The following PRKN variants were observed in gnomAD, a reference collection of about 807,000 sequenced individuals.
PRKN encodes the protein E3 ubiquitin-protein ligase parkin.
In PRKN, 56 loss-of-function variants were observed where a neutral mutation model predicts 59.5. The ratio of observed to expected loss-of-function variants is 0.94; its 90% confidence interval spans 0.76 to 1.18. The LOEUF is 1.18. Among genes scored for constraint, PRKN ranks in the 50% most tolerant of loss-of-function variants. PRKN has a pLI of 0.00. For missense variants in PRKN, 657 were observed against 596.4 expected (o/e 1.10, Z -1.06); for synonymous variants, 250 against 222.1 (o/e 1.13, Z -1.12).
Position 161,551,191 on chromosome 6 carries a change from T to C in PRKN, c.934-2188A>G, listed in dbSNP as rs748583396. Among the ~76,000 whole-genome samples, 14 of 152,184 alleles carry C rather than the reference T, an allele frequency of 9.2e-5. No homozygotes were observed. The highest frequency in any genetic ancestry group is 1.9e-4 in the East Asian group (1 of 5,186). On this transcript the variant is annotated intron_variant, in intron 8 of 11. Coordinates refer to ENST00000366898, the MANE Select transcript of PRKN (RefSeq NM_004562.3). The surrounding 1 kb of genome is among the most constrained non-coding windows in gnomAD (Gnocchi z 5.2). ...TGAGACAGTTTATGTAACTGAGAGA[T>C]TGCCTGTGAGTGATTACTGCATAGA...
intron 7 of PRKN, among the ~76,000 whole-genome samples, chr6:161,713,747 G>C (rs1041679475): frequency 1.3e-5 from 2 of 152,124 alleles, no homozygotes; most frequent in African/African-American, 4.8e-5. Context: ...ACCGTGGTAT[G>C]GTTTGACTCT....
chr6:161,608,693 C>T (rs1342495718), intron 7 of PRKN, among the ~76,000 whole-genome samples: 4 of 151,928 alleles, frequency 2.6e-5, no homozygotes, highest in East Asian at 1.9e-4. Flanking sequence ...CCACCACGCC[C>T]GGCTAATTTT....
intron 1 of PRKN, chr6:162,727,373 G>C: frequency 2.3e-6 from 1 of 438,326 alleles, no homozygotes; most frequent in South Asian, 3.2e-5. Context: ...GGGGGACCGC[G>C]AACGAGGAGC....
Position 162,201,117 on chromosome 6 carries a change from C to T in PRKN, c.534+14G>A, listed in dbSNP as rs1784710974. The T allele has an allele frequency of 6.2e-7, 1 of 1,614,042 alleles. No homozygotes were observed. Among genetic ancestry groups the T allele is most frequent in the Non-Finnish European group, 8.5e-7 (1 of 1,179,886 alleles). Reference sequence around the variant, plus strand: ...TTTTCCTGGCAGTCTCATGCTGACACTGCATTTCCTTACCTGGGTCAAGGT... The same window carrying T: ...TTTTCCTGGCAGTCTCATGCTGACATTGCATTTCCTTACCTGGGTCAAGGT... On this transcript the variant is annotated intron_variant, in intron 4 of 11. Coordinates refer to ENST00000366898, the MANE Select transcript of PRKN (RefSeq NM_004562.3).
At chr6:161,430,255 T>C (rs1788577842) in intron 9 of PRKN, among the ~76,000 whole-genome samples, 1 of 152,238 alleles carries the variant, frequency 6.6e-6, no homozygotes, top group South Asian at 2.1e-4. Flanking sequence ...TGTAACTATG[T>C]TATGAAACAC....
chr6:162,713,449 G>A (rs1041660223), intron 1 of PRKN, among the ~76,000 whole-genome samples: 8 of 139,666 alleles, frequency 5.7e-5, no homozygotes, highest in African/African-American at 5.6e-5. Context: ...AGCCAAGATC[G>A]CGCCACCGCA....
At chr6:162,501,631 C>T (rs1459506325) in intron 1 of PRKN, among the ~76,000 whole-genome samples, 1 of 151,864 alleles carries the variant, frequency 6.6e-6, no homozygotes, top group Non-Finnish European at 1.5e-5. Flanking sequence ...GCTGGGATTA[C>T]AGGTGTGAGC....
rs553119365 is a variant in PRKN at position 162,664,777 on chromosome 6, A to G, written c.7+62885T>C. Among the ~76,000 whole-genome samples, 24 of 151,804 alleles carry G rather than the reference A, an allele frequency of 1.6e-4. No homozygotes were observed. In the South Asian group the frequency reaches 4.2e-3, roughly 26 times the overall value. On this transcript the variant is annotated intron_variant, in intron 1 of 11. Coordinates refer to ENST00000366898, the MANE Select transcript of PRKN (RefSeq NM_004562.3). Reference sequence around the variant, plus strand: ...TGTTTAAGTTCCTTGTAAATTCTGTATATTAGACTTTGTCAGATGGGTATA... The same window carrying G: ...TGTTTAAGTTCCTTGTAAATTCTGTGTATTAGACTTTGTCAGATGGGTATA...
chr6:161,974,770 A>G (rs190111144), intron 5 of PRKN, among the ~76,000 whole-genome samples: 44 of 152,314 alleles, frequency 2.9e-4, no homozygotes, highest in African/African-American at 1.1e-3. Context: ...AAATGTGGGA[A>G]GGATTTTCCC....
At chr6:162,003,471 TA>T (rs1489014560) in intron 5 of PRKN, among the ~76,000 whole-genome samples, 1 of 152,170 alleles carries the variant, frequency 6.6e-6, no homozygotes, top group Non-Finnish European at 1.5e-5. Flanking sequence ...CTGAGCCCCA[TA>T]GCCTTGGCTC....
intron 6 of PRKN, among the ~76,000 whole-genome samples, chr6:161,928,707 T>A (rs1293408076): frequency 1.3e-5 from 2 of 152,202 alleles, no homozygotes; most frequent in Admixed American, 1.3e-4. Context: ...GTAGGTGTTT[T>A]TATTTTAACT....
rs1312507882 is a variant in PRKN at position 161,445,348 on chromosome 6, GGGGGCTCATGA to G, written c.1084-58482_1084-58472del. On this transcript the variant is annotated intron_variant, in intron 9 of 11. Coordinates refer to ENST00000366898, the MANE Select transcript of PRKN (RefSeq NM_004562.3). The surrounding 1 kb of genome is among the most constrained non-coding windows in gnomAD (Gnocchi z 7.7). ...CCACTTGGGCTGGAATGCAGTTGCT[GGGGGCTCATGA>G]GGGGCTCAGTGGTGCCCCTGGCCAC... is the stretch of plus-strand genomic sequence containing the variant. 6.6e-6 allele frequency among the ~76,000 whole-genome samples: 1 copy of G among 152,164 alleles called. No individual in the cohort carries two copies. Among genetic ancestry groups the G allele is most frequent in the Non-Finnish European group, 1.5e-5 (1 of 68,028 alleles).
intron 1 of PRKN, among the ~76,000 whole-genome samples, chr6:162,682,707 C>G (rs2128233179): frequency 6.6e-6 from 1 of 152,116 alleles, no homozygotes; most frequent in East Asian, 1.9e-4. Context: ...AACAGGCAAT[C>G]ATGAGTGCAC....
intron 1 of PRKN, among the ~76,000 whole-genome samples, chr6:162,477,389 C>T (rs58118739): frequency 0.08 from 12,142 of 152,186 alleles, 1,407 homozygotes; most frequent in African/African-American, 0.26. Flanking sequence ...AACTTCCACG[C>T]GTGGGACTTA....
intron 1 of PRKN, among the ~76,000 whole-genome samples, chr6:162,606,448 A>C (rs966976102): frequency 6.6e-6 from 1 of 152,214 alleles, no homozygotes; most frequent in Non-Finnish European, 1.5e-5. Flanking sequence ...GGATGGCTGT[A>C]TGGGTACTTG....
chr6:162,589,034 C>G (rs1781192490), intron 1 of PRKN, among the ~76,000 whole-genome samples: 1 of 152,188 alleles, frequency 6.6e-6, no homozygotes. Context: ...TCTCCTCCCC[C>G]TGCAAAGCAC....
At chr6:162,356,074 T>G (rs1784844365) in intron 2 of PRKN, among the ~76,000 whole-genome samples, 1 of 152,036 alleles carries the variant, frequency 6.6e-6, no homozygotes, top group African/African-American at 2.4e-5. Context: ...TGTGGGCACT[T>G]TACACCTGCC....
chr6:162,368,451 T>C (rs1242104437), intron 2 of PRKN, among the ~76,000 whole-genome samples: 1 of 152,190 alleles, frequency 6.6e-6, no homozygotes, highest in African/African-American at 2.4e-5. Flanking sequence ...TCTCATTGTT[T>C]CTTAAAACGC....
At chr6:161,659,870 T>C (rs1784481825) in intron 7 of PRKN, among the ~76,000 whole-genome samples, 1 of 152,144 alleles carries the variant, frequency 6.6e-6, no homozygotes, top group Non-Finnish European at 1.5e-5. Flanking sequence ...GATAATGAGA[T>C]GCTTGATACT....
Sources: allele counts gnomAD v4.1 joint callset (sites outside exome capture counted in the v4.1 genomes callset), GRCh38; gene constraint gnomAD v4.1.1; non-coding constraint Gnocchi (gnomAD v3.1); transcripts MANE v1.5; gene names NCBI Gene and HGNC (gene_info 2026-07-23, HGNC 2026-07-21).